Variants in KLRG1 observed in about 807,000 individuals in gnomAD.
The protein encoded by KLRG1 is killer cell lectin-like receptor subfamily G member 1.
Under a neutral mutation model 21.8 loss-of-function variants are expected in KLRG1, and 16 were observed. The observed-to-expected ratio is 0.73, with a 90% CI of 0.50 to 1.11. The LOEUF is 1.11. KLRG1 is among the 50% of genes most tolerant of loss of function. The pLI is 0.00. For missense variants in KLRG1, 173 were observed against 218.3 expected, an observed-to-expected ratio of 0.79 and a Z score of 1.31; for synonymous variants, 69 against 75.9, an observed-to-expected ratio of 0.91 and a Z score of 0.47.
the KLRG1 span, among the ~76,000 whole-genome samples, chr12:9,078,137 T>C: frequency 1.3e-5 from 2 of 152,296 alleles, no homozygotes; most frequent in South Asian, 2.1e-4. Flanking sequence ...TAAGTATACG[T>C]GTGCCATGGT....
At chr12:9,203,837 G>A in the KLRG1 span, 1 of 1,614,104 alleles carries the variant, frequency 6.2e-7, no homozygotes, top group Middle Eastern at 1.7e-4. Flanking sequence ...TGTTTTCCCT[G>A]CCAGACTCCA....
chr12:9,157,336 G>A, the KLRG1 span: 14 of 1,613,584 alleles, frequency 8.7e-6, no homozygotes, highest in South Asian at 8.8e-5. Context: ...GCAGAACAGG[G>A]CATTGCGAAC....
intron 1 of KLRG1, among the ~76,000 whole-genome samples, chr12:8,978,094 T>C (rs1946687200): frequency 6.6e-6 from 1 of 152,202 alleles, no homozygotes; most frequent in Non-Finnish European, 1.5e-5. Flanking sequence ...TTTTTTAACT[T>C]TTATGTTAGG....
At chr12:9,136,082 T>C in the KLRG1 span, among the ~76,000 whole-genome samples, 3 of 152,306 alleles carry the variant, frequency 2.0e-5, 1 homozygote, top group Non-Finnish European at 1.5e-5. Flanking sequence ...AAAGACAAGC[T>C]AGCAAACATG....
chr12:9,157,725 T>G, the KLRG1 span: 2 of 1,565,676 alleles, frequency 1.3e-6, no homozygotes, highest in Non-Finnish European at 8.8e-7. Context: ...ACAGCAAATC[T>G]ACAGTTTTCA....
the KLRG1 span, among the ~76,000 whole-genome samples, chr12:9,210,881 T>C: frequency 6.6e-6 from 1 of 152,190 alleles, no homozygotes; most frequent in Admixed American, 6.5e-5. Flanking sequence ...AGGTTTAATG[T>C]TTCCACTCTC....
the KLRG1 span, chr12:9,098,317 A>G: frequency 6.0e-5 from 10 of 167,318 alleles, no homozygotes; most frequent in Non-Finnish European, 1.3e-4. Context: ...GTGTCTGAAT[A>G]ACGAGTCCTT....
the KLRG1 span, among the ~76,000 whole-genome samples, chr12:9,044,481 A>T: frequency 6.6e-6 from 1 of 152,086 alleles, no homozygotes. Context: ...CCTGACCAAC[A>T]TGGTGAGAAA....
the KLRG1 span, among the ~76,000 whole-genome samples, chr12:9,138,544 C>G: frequency 2.6e-5 from 4 of 151,504 alleles, no homozygotes; most frequent in Admixed American, 2.0e-4. Flanking sequence ...GAAGTGTTCT[C>G]TCACTTTTTG....
At chr12:9,135,782 C>G in the KLRG1 span, among the ~76,000 whole-genome samples, 1 of 152,130 alleles carries the variant, frequency 6.6e-6, no homozygotes, top group Non-Finnish European at 1.5e-5. Flanking sequence ...AATTTAATAG[C>G]CTATGAGTCC....
the KLRG1 span, among the ~76,000 whole-genome samples, chr12:9,137,646 C>G: frequency 1.1e-4 from 16 of 151,956 alleles, no homozygotes; most frequent in Non-Finnish European, 1.5e-5. Context: ...AGTAAATCTT[C>G]CAATCAATGA....
the KLRG1 span, among the ~76,000 whole-genome samples, chr12:9,105,354 A>T: frequency 6.6e-6 from 1 of 152,234 alleles, no homozygotes; most frequent in Non-Finnish European, 1.5e-5. Context: ...CTTACAAAGT[A>T]CACTATCTTT....
chr12:9,149,608 A>C, the KLRG1 span: 1 of 1,612,814 alleles, frequency 6.2e-7, no homozygotes, highest in Admixed American at 1.7e-5. Context: ...CTCATCTGAA[A>C]GATAACGTTG....
At chr12:9,098,053 T>A in the KLRG1 span, among the ~76,000 whole-genome samples, 1 of 152,246 alleles carries the variant, frequency 6.6e-6, no homozygotes, top group Non-Finnish European at 1.5e-5. Flanking sequence ...CTCCTATTAC[T>A]GGTTGCATGG....
the KLRG1 span, among the ~76,000 whole-genome samples, chr12:9,044,456 G>A: frequency 1.3e-5 from 2 of 152,134 alleles, no homozygotes; most frequent in Non-Finnish European, 2.9e-5. Context: ...CTTGAGGTCA[G>A]GAGTTTGCCA....
the KLRG1 span, chr12:9,161,084 G>A: frequency 6.2e-7 from 1 of 1,602,026 alleles, no homozygotes; most frequent in Non-Finnish European, 8.5e-7. Context: ...TTTGATGGGA[G>A]CTTCAAGGAC....
chr12:9,072,743 G>A, the KLRG1 span: 4 of 1,614,064 alleles, frequency 2.5e-6, no homozygotes, highest in Non-Finnish European at 3.4e-6. Flanking sequence ...ACAGGCGGTT[G>A]TTGTTGTCCA....
intron 1 of KLRG1, among the ~76,000 whole-genome samples, chr12:8,978,648 CT>C (rs757728607): frequency 1.1e-5 from 1 of 88,450 alleles, no homozygotes; most frequent in African/African-American, 3.9e-5. Context: ...TCTTTTCTTT[CT>C]TTCTTTCTTT....
the KLRG1 span, chr12:9,091,575 G>GA: frequency 9.7e-6 from 8 of 827,902 alleles, no homozygotes; most frequent in Non-Finnish European, 1.5e-5. Context: ...CAAGGATTGA[G>GA]ATGGGAATAT....
Sources: gnomAD v4.1 joint callset for allele counts (sites outside exome capture counted in the v4.1 genomes callset) on GRCh38, gnomAD v4.1.1 for gene constraint, MANE v1.5 for transcripts, NCBI Gene and HGNC (gene_info 2026-07-23, HGNC 2026-07-21) for gene names.